The following F8 variants were observed in gnomAD, a reference collection of about 807,000 sequenced individuals.
The protein encoded by F8 is coagulation factor VIII.
In F8, 12 loss-of-function variants were observed where a neutral mutation model predicts 140.6. The ratio of observed to expected loss-of-function variants is 0.09; its 90% CI spans 0.05 to 0.14. The LOEUF (loss-of-function observed/expected upper bound fraction) is 0.14. Ranked by LOEUF, F8 falls within the 10% of genes least tolerant of loss-of-function variation. The pLI, the probability that F8 is intolerant of heterozygous loss-of-function variation, is 1.00. For synonymous variants in F8, 585 were observed against 614.6 expected (o/e 0.95, Z 0.71); for missense variants, 1,354 against 1,720.7 (o/e 0.79, Z 3.77).
rs1233901196 is a variant in F8, at chrX:154,966,592, GATC to G, written c.1102_1104del (p.Asp368del). 1.7e-6 allele frequency: 2 copies of G among 1,211,095 alleles called. No homozygotes were observed. The highest frequency in any genetic ancestry group is 1.1e-6 in the Non-Finnish European group (1 of 895,066). On this transcript the variant is annotated inframe_deletion, in exon 8 of 26. Transcript: ENST00000360256. ...ACCACATCCATTTCAGAATCAGTAA[GATC>G]ATCATCATAGTCTTCCGCTTCTTCA...
chrX:154,842,348 T>C (rs1202268540), intron 25 of F8, among the ~76,000 whole-genome samples: 3 of 111,821 alleles, frequency 2.7e-5, no homozygotes, highest in African/African-American at 9.7e-5. Context: ...ATTTACTTCA[T>C]ATCTTTATTA....
rs1335238155 is a variant in F8 at position 154,836,942 on chromosome X, A to G, written c.*655T>C. 1 of 112,823 alleles carries G rather than the reference A, an allele frequency of 8.9e-6. No individual in the cohort carries two copies. The highest frequency in any genetic ancestry group is 1.9e-5 in the Non-Finnish European group (1 of 53,751). The allele number at this position is 112,823 out of a possible 1,213,427, so 9.3% of individuals were successfully genotyped here. A position where few individuals can be genotyped will look rare whatever the true frequency, so the allele number is the denominator to read the frequency against. On this transcript the variant is annotated 3_prime_UTR_variant, in exon 26 of 26. Coordinates refer to ENST00000360256, the MANE Select transcript of F8 (RefSeq NM_000132.4). ...ACTTAGGGATTCTTGAACCCCATCT[A>G]TAATTCTCAGTTTAAGAATGCTAGT...
chrX:154,982,069 A>G (rs1170938807), intron 6 of F8, among the ~76,000 whole-genome samples: 1 of 110,411 alleles, frequency 9.1e-6, no homozygotes, highest in Non-Finnish European at 1.9e-5. Context: ...CTGTAATCCC[A>G]GCTACTTGGG....
In F8 at chrX:154,902,173, A is replaced by G. The variant is rs781980109; in HGVS notation, c.5999-6T>C. On this transcript the variant is annotated splice_polypyrimidine_tract_variant and splice_region_variant and intron_variant, in intron 18 of 25. Transcript: ENST00000360256. ...TTCCACTGTCTCAAAAACACCTTATAAAAACCAACAGGAACAGAAATTATT... is the reference window on the plus strand; with the variant it reads ...TTCCACTGTCTCAAAAACACCTTATGAAAACCAACAGGAACAGAAATTATT... 2 of 1,121,794 alleles carry G rather than the reference A, an allele frequency of 1.8e-6. No homozygotes were observed. Among genetic ancestry groups the G allele is most frequent in the Non-Finnish European group, 2.5e-6 (2 of 813,131 alleles). 92.4% of individuals were successfully genotyped at this position (1,121,794 alleles called of 1,213,427 possible). A position where few individuals can be genotyped will look rare whatever the true frequency, so the allele number is the denominator to read the frequency against.
chrX:154,854,804 T>C (rs1359748494), intron 25 of F8, among the ~76,000 whole-genome samples: 1 of 111,811 alleles, frequency 8.9e-6, no homozygotes, highest in Non-Finnish European at 1.9e-5. Flanking sequence ...TTTTCAGTAG[T>C]AAAAATTGTC....
chrX:154,943,597 T>G (rs1486068466), intron 13 of F8, among the ~76,000 whole-genome samples: 2 of 111,464 alleles, frequency 1.8e-5, no homozygotes, highest in African/African-American at 3.3e-5. Flanking sequence ...TACTGCCCAA[T>G]GTAATTTATA....
intron 4 of F8, among the ~76,000 whole-genome samples, chrX:154,990,334 T>C (rs1569559974): frequency 8.9e-6 from 1 of 111,952 alleles, no homozygotes; most frequent in African/African-American, 3.2e-5. Flanking sequence ...CTTTTTACTG[T>C]GTCTCTTGGT....
intron 14 of F8, among the ~76,000 whole-genome samples, chrX:154,914,527 A>T (rs782002332): frequency 1.8e-5 from 2 of 111,887 alleles, no homozygotes; most frequent in Non-Finnish European, 3.8e-5. Context: ...ACCCCAAATC[A>T]TCTCTCTCAA....
At chrX:154,860,887 G>A (rs190436881) in intron 24 of F8, among the ~76,000 whole-genome samples, 1 of 111,592 alleles carries the variant, frequency 9.0e-6, no homozygotes, top group East Asian at 2.8e-4. Context: ...TAGTAGAGAT[G>A]AGGTTTCACC....
chrX:154,892,566 T>C (rs1419687540), intron 22 of F8, among the ~76,000 whole-genome samples: 1 of 112,636 alleles, frequency 8.9e-6, no homozygotes, highest in African/African-American at 3.2e-5. Flanking sequence ...TTCTTGAATA[T>C]ATTAGCAACA....
At chrX:154,866,030 T>C (rs2072729075) in intron 22 of F8, among the ~76,000 whole-genome samples, 1 of 111,011 alleles carries the variant, frequency 9.0e-6, no homozygotes, top group Non-Finnish European at 1.9e-5. Context: ...AGGACATACA[T>C]AGGCTGAAAG....
intron 13 of F8, 28 bp downstream of exon 13, chrX:154,947,670 T>C (rs1557280412): frequency 4.4e-6 from 5 of 1,134,398 alleles, no homozygotes; most frequent in Non-Finnish European, 6.1e-6. Context: ...TTCACAGCTG[T>C]TGGTACAAGA....
At position 154,872,377 on chromosome X, in the gene F8, G is replaced by T. The variant is rs181362656; in HGVS notation, c.6430-9150C>A. Among the ~76,000 whole-genome samples the T allele has an allele frequency of 5.5e-4, 61 of 111,583 alleles. 1 individual carries two copies. The highest frequency in any genetic ancestry group is 1.8e-3 in the African/African-American group (55 of 30,715). ...TGGAATACTATACAGCCATAAAAAA[G>T]GATGAGTTCCTGTCCTTTGCAGGGA... On this transcript the variant is annotated intron_variant, in intron 22 of 25. Coordinates refer to ENST00000360256, the MANE Select transcript of F8 (RefSeq NM_000132.4).
intron 1 of F8, 82 bp downstream of exon 1, chrX:155,022,328 C>T: frequency 9.6e-7 from 1 of 1,037,618 alleles, no homozygotes; most frequent in South Asian, 1.9e-5. Flanking sequence ...ACCATCCTAA[C>T]CCGATGTCTG....
intron 6 of F8, 87 bp from the exon 7 acceptor site, chrX:154,969,639 CT>C: frequency 1.2e-6 from 1 of 814,701 alleles, no homozygotes; most frequent in Non-Finnish European, 1.8e-6. Context: ...GACAAATTGA[CT>C]TTAGACACTT....
At position 154,875,297 on chromosome X, in the gene F8, C is replaced by T. The variant is rs781800678; in HGVS notation, c.6430-12070G>A. On this transcript the variant is annotated intron_variant, in intron 22 of 25. Coordinates refer to ENST00000360256, the MANE Select transcript of F8 (RefSeq NM_000132.4). ...AAATTAGTTCTGGAGATCTAATGTACGATATAGTAACTATAGTAAACAATA... is the reference window on the plus strand; with the variant it reads ...AAATTAGTTCTGGAGATCTAATGTATGATATAGTAACTATAGTAAACAATA... Among the ~76,000 whole-genome samples the T allele has an allele frequency of 7.2e-5, 8 of 110,991 alleles. No individual in the cohort carries two copies. The South Asian group carries it at 1.5e-3, about 21-fold the overall frequency.
At chrX:154,904,647 C>G in intron 16 of F8, 123 bp from the exon 17 acceptor site, 1 of 756,795 alleles carries the variant, frequency 1.3e-6, no homozygotes, top group Non-Finnish European at 2.0e-6. Context: ...ATAATCCATC[C>G]TCTTCAGTAG....
chrX:154,880,360 T>G (rs1286526096), intron 22 of F8, among the ~76,000 whole-genome samples: 2 of 111,562 alleles, frequency 1.8e-5, no homozygotes, highest in Non-Finnish European at 3.8e-5. Context: ...AACTCTGATG[T>G]GAAAGGTATT....
At chrX:154,991,700 TC>T (rs2073589383) in intron 4 of F8, among the ~76,000 whole-genome samples, 1 of 112,360 alleles carries the variant, frequency 8.9e-6, no homozygotes, top group Non-Finnish European at 1.9e-5. Context: ...TGGCACTTTC[TC>T]ATTAATTATG....
Sources: allele counts gnomAD v4.1 joint callset (sites outside exome capture counted in the v4.1 genomes callset), GRCh38; gene constraint gnomAD v4.1.1; transcripts MANE v1.5; gene names NCBI Gene and HGNC (gene_info 2026-07-23, HGNC 2026-07-21).